Variants in SLC16A12 observed in about 807,000 individuals in gnomAD.
The protein encoded by SLC16A12 is solute carrier family 16 member 12, also known as monocarboxylate transporter 12.
Under a neutral mutation model 42.4 loss-of-function variants are expected in SLC16A12, and 17 were observed. The observed-to-expected ratio is 0.40, with a 90% confidence interval of 0.27 to 0.60. SLC16A12 has a LOEUF of 0.60. Ranked by LOEUF, SLC16A12 falls within the 20% of genes least tolerant of loss-of-function variation. SLC16A12 has a pLI of 0.42. For missense variants in SLC16A12, 544 were observed against 623.0 expected (o/e 0.87, Z 1.35); for synonymous variants, 224 against 229.4 (o/e 0.98, Z 0.21).
At chr10:89,455,096 A>G (rs922032879) in intron 3 of SLC16A12, among the ~76,000 whole-genome samples, 2 of 152,124 alleles carry the variant, frequency 1.3e-5, no homozygotes, top group African/African-American at 4.8e-5. Flanking sequence ...GATGGTAGCT[A>G]TATAGGAACA....
At chr10:89,481,378 T>A (rs1302166140) in intron 2 of SLC16A12, among the ~76,000 whole-genome samples, 1 of 152,194 alleles carries the variant, frequency 6.6e-6, no homozygotes, top group Non-Finnish European at 1.5e-5. Flanking sequence ...CACATCCGCT[T>A]GTCTATATAC....
At chr10:89,534,766 T>C (rs1589733988) in intron 1 of SLC16A12, 126 bp from the exon 2 acceptor site, 1 of 149,866 alleles carries the variant, frequency 6.7e-6, no homozygotes, top group Non-Finnish European at 1.5e-5. Flanking sequence ...GAGGCGGAGG[T>C]TGCAATGAGC....
chr10:89,485,548 T>C (rs538834119), intron 2 of SLC16A12, among the ~76,000 whole-genome samples: 4 of 152,174 alleles, frequency 2.6e-5, no homozygotes, highest in African/African-American at 9.6e-5. Flanking sequence ...GTTTAATGAG[T>C]TTATGCTACC....
At chr10:89,504,508 C>A (rs1843031392) in intron 2 of SLC16A12, among the ~76,000 whole-genome samples, 1 of 152,130 alleles carries the variant, frequency 6.6e-6, no homozygotes, top group Admixed American at 6.5e-5. Context: ...GTAACTGGCT[C>A]CATGAATAGA....
intron 6 of SLC16A12, 106 bp from the exon 7 acceptor site, chr10:89,436,425 G>A: frequency 7.3e-7 from 1 of 1,375,820 alleles, no homozygotes; most frequent in East Asian, 2.3e-5. Context: ...TTACAGAGAT[G>A]GCTTTCCCAT....
At chr10:89,441,362 A>C in intron 4 of SLC16A12, 111 bp from the exon 5 acceptor site, 2 of 1,335,504 alleles carry the variant, frequency 1.5e-6, no homozygotes, top group Non-Finnish European at 1.0e-6. Context: ...AGCCCACCCT[A>C]TTAATTCTGC....
At position 89,445,444 on chromosome 10, in the gene SLC16A12, G is replaced by A. The variant is rs944879903; in HGVS notation, c.201-1585C>T. 1.1e-4 allele frequency among the ~76,000 whole-genome samples: 16 copies of A among 152,328 alleles called. No individual in the cohort carries two copies. In the East Asian group the frequency reaches 1.7e-3, roughly 17 times the overall value. On this transcript the variant is annotated intron_variant, in intron 3 of 7. Coordinates refer to ENST00000371790, the MANE Select transcript of SLC16A12 (RefSeq NM_213606.4). ...TATTTGCTGTTCTGCAGCCTCTGCC[G>A]GTGATACCAGGCAAACAGGGTCTGG...
chr10:89,486,129 G>A (rs1842737887), intron 2 of SLC16A12, among the ~76,000 whole-genome samples: 1 of 152,092 alleles, frequency 6.6e-6, no homozygotes, highest in South Asian at 2.1e-4. Flanking sequence ...TCATCAATAA[G>A]CTCCTCAGTT....
chr10:89,460,360 T>C (rs1325643432), intron 3 of SLC16A12, among the ~76,000 whole-genome samples: 1 of 152,132 alleles, frequency 6.6e-6, no homozygotes, highest in Non-Finnish European at 1.5e-5. Context: ...GGAGCTGTCA[T>C]ATCAGTGATG....
At chr10:89,545,392 G>T (rs1249515930) in intron 2 of SLC16A12, among the ~76,000 whole-genome samples, 2 of 152,134 alleles carry the variant, frequency 1.3e-5, no homozygotes, top group Non-Finnish European at 2.9e-5. Flanking sequence ...AAATCAGTGT[G>T]CAAAAATCAC....
At chr10:89,513,313 C>T (rs149754981) in intron 2 of SLC16A12, among the ~76,000 whole-genome samples, 146 of 152,324 alleles carry the variant, frequency 9.6e-4, no homozygotes, top group African/African-American at 3.4e-3. Flanking sequence ...TTTGAATGCA[C>T]TGTAACTGAC....
chr10:89,465,120 T>C (rs1842371764), intron 2 of SLC16A12, among the ~76,000 whole-genome samples: 1 of 152,180 alleles, frequency 6.6e-6, no homozygotes, highest in South Asian at 2.1e-4. Context: ...ACACTTGCCA[T>C]AGGCCAAGCT....
intron 2 of SLC16A12, among the ~76,000 whole-genome samples, chr10:89,547,457 A>G (rs1564606057): frequency 6.6e-6 from 1 of 152,182 alleles, no homozygotes; most frequent in Non-Finnish European, 1.5e-5. Context: ...AATCAACCAG[A>G]ATTCCTGAGT....
chr10:89,447,294 C>T (rs1055336649), intron 3 of SLC16A12, among the ~76,000 whole-genome samples: 7 of 152,214 alleles, frequency 4.6e-5, no homozygotes, highest in Admixed American at 2.0e-4. Context: ...CCCAAATCAA[C>T]AGAATATACA....
At chr10:89,487,171 G>A (rs1444250902) in intron 2 of SLC16A12, among the ~76,000 whole-genome samples, 1 of 152,174 alleles carries the variant, frequency 6.6e-6, no homozygotes, top group African/African-American at 2.4e-5. Flanking sequence ...AAGGCAACAA[G>A]CCTTCTCTAA....
Position 89,472,487 on chromosome 10 carries a change from C to CTTT in SLC16A12, c.-46-9866_-46-9864dup, listed in dbSNP as rs71022567. Among the ~76,000 whole-genome samples the CTTT allele has an allele frequency of 5.1e-3, 462 of 89,902 alleles. 1 individual carries two copies. Among genetic ancestry groups the CTTT allele is most frequent in the Non-Finnish European group, 6.7e-3 (306 of 45,792 alleles). 59.0% of individuals were successfully genotyped at this position (89,902 alleles called of 152,430 possible). On this transcript the variant is annotated intron_variant, in intron 2 of 7. Coordinates refer to ENST00000371790, the MANE Select transcript of SLC16A12 (RefSeq NM_213606.4). The stretch of plus-strand genomic sequence containing the variant: ...TTTTTTCTTTTCTTTTCTTTTCTTT[C>CTTT]TTTTTTTTTTTTTTTTTTTTTTTGA...
intron 3 of SLC16A12, among the ~76,000 whole-genome samples, chr10:89,445,236 C>T (rs1841980774): frequency 6.6e-6 from 1 of 152,228 alleles, no homozygotes; most frequent in African/African-American, 2.4e-5. Flanking sequence ...GTGGTTCTTC[C>T]ATCACAGTGT....
chr10:89,470,957 A>T (rs1458702389), intron 2 of SLC16A12, among the ~76,000 whole-genome samples: 1 of 152,134 alleles, frequency 6.6e-6, no homozygotes, highest in Non-Finnish European at 1.5e-5. Context: ...GACCAGACAC[A>T]CTCATGAAGA....
rs55935286 is a variant in SLC16A12, at chr10:89,534,644, C to CAAAAAAAAAAAAAAA, written c.-186-19_-186-5dup. 11 of 52,278 alleles carry CAAAAAAAAAAAAAAA rather than the reference C, an allele frequency of 2.1e-4. No individual in the cohort carries two copies. The highest frequency in any genetic ancestry group is 6.7e-4 in the East Asian group (1 of 1,482). 3.2% of individuals were successfully genotyped at this position (52,278 alleles called of 1,614,324 possible). A position where few individuals can be genotyped will look rare whatever the true frequency, so the allele number is the denominator to read the frequency against. On this transcript the variant is annotated splice_region_variant and splice_polypyrimidine_tract_variant and intron_variant, in intron 1 of 7. Coordinates refer to ENST00000371790, the MANE Select transcript of SLC16A12 (RefSeq NM_213606.4). ...CCAATATGTCGAAATCCTGTATCTG[C>CAAAAAAAAAAAAAAA]AAAAAAAAAAAAAAAAAAAAAAAAA...
Sources: allele counts gnomAD v4.1 joint callset (sites outside exome capture counted in the v4.1 genomes callset), GRCh38; gene constraint gnomAD v4.1.1; transcripts MANE v1.5; gene names NCBI Gene and HGNC (gene_info 2026-07-23, HGNC 2026-07-21).